The following MTMR6 variants were observed in gnomAD, a reference collection of about 807,000 sequenced individuals.
MTMR6 encodes phosphatidylinositol-3,5-bisphosphate 3-phosphatase MTMR6.
MTMR6 carries 47 observed loss-of-function variants against 80.1 expected under a neutral mutation model. The ratio of observed to expected loss-of-function variants is 0.59; its 90% CI spans 0.46 to 0.75. The LOEUF (loss-of-function observed/expected upper bound fraction) is 0.75. Ranked by LOEUF, MTMR6 falls within the 30% of genes least tolerant of loss-of-function variation. The pLI is 0.00. For synonymous variants in MTMR6, 254 were observed against 253.0 expected (o/e 1.00, Z -0.04); for missense variants, 629 against 730.9 (o/e 0.86, Z 1.61).
intron 1 of MTMR6, among the ~76,000 whole-genome samples, chr13:25,286,451 G>A (rs1348530260): frequency 1.3e-5 from 2 of 152,166 alleles, no homozygotes; most frequent in South Asian, 2.1e-4. Flanking sequence ...CTTAAATGTC[G>A]TTGGAAACGT....
In MTMR6 at chr13:25,249,014, CT is replaced by C. The variant is rs1326999506; in HGVS notation, c.*217del. 20 of 545,880 alleles carry C rather than the reference CT, an allele frequency of 3.7e-5. No homozygotes were observed. Among genetic ancestry groups the C allele is most frequent in the Non-Finnish European group, 6.4e-5 (20 of 312,578 alleles). The allele number at this position is 545,880 out of a possible 1,614,324, so 33.8% of individuals were successfully genotyped here. A position where few individuals can be genotyped will look rare whatever the true frequency, so the allele number is the denominator to read the frequency against. On this transcript the variant is annotated 3_prime_UTR_variant, in exon 14 of 14. Transcript: ENST00000381801. Reference sequence around the variant, plus strand: ...TTTTGAGTAAATACATCAAATACCACTCATTTCTTACAGAACTGAATGTCAT... The same window carrying C: ...TTTTGAGTAAATACATCAAATACCACCATTTCTTACAGAACTGAATGTCAT...
chr13:25,256,283 G>A lies in MTMR6; in HGVS notation c.1095+913C>T, dbSNP rs575469748. ...ATTTATTACATGATTTCATTTGGAT[G>A]TCTAACAAATAATTAAAGCCAAACA... On this transcript the variant is annotated intron_variant, in intron 9 of 13. Transcript: ENST00000381801. Among the ~76,000 whole-genome samples the A allele has an allele frequency of 4.3e-4, 65 of 152,294 alleles. No individual in the cohort carries two copies. In the Middle Eastern group the frequency reaches 0.01, roughly 24 times the overall value.
chr13:25,264,090 T>G lies in MTMR6; in HGVS notation c.591+1729A>C, dbSNP rs150932169. Among the ~76,000 whole-genome samples the G allele has an allele frequency of 2.3e-3, 355 of 152,192 alleles. 2 individuals are homozygous for G. The highest frequency in any genetic ancestry group is 8.1e-3 in the African/African-American group (335 of 41,544). On this transcript the variant is annotated intron_variant, in intron 5 of 13. Transcript: ENST00000381801. ...CTAATGTGGGAAGCATGAGAATTAT[T>G]TTTTTAAATCTTTAACATCCTCAAA...
chr13:25,257,100 A>T, intron 9 of MTMR6, 96 bp downstream of exon 9: 1 of 1,257,738 alleles, frequency 8.0e-7, no homozygotes, highest in South Asian at 1.5e-5. Context: ...CATTTCCTTT[A>T]GTGCAAAACT....
rs550420284 is a variant in MTMR6, at chr13:25,251,448, A to G, written c.1605+201T>C. Among the ~76,000 whole-genome samples, 15 of 152,364 alleles carry G rather than the reference A, an allele frequency of 9.8e-5. No individual in the cohort carries two copies. Among genetic ancestry groups the G allele is most frequent in the South Asian group, 4.1e-4 (2 of 4,824 alleles). Reference sequence around the variant, plus strand: ...TGTTTATCTATACGTTATGCTATATACTTCCGGTATTTTAATGTATTTTAA... The same window carrying G: ...TGTTTATCTATACGTTATGCTATATGCTTCCGGTATTTTAATGTATTTTAA... On this transcript the variant is annotated intron_variant, in intron 13 of 13. Coordinates refer to ENST00000381801, the MANE Select transcript of MTMR6 (RefSeq NM_004685.5). The surrounding 1 kb of genome is among the most constrained non-coding windows in gnomAD (Gnocchi z 4.1).
chr13:25,266,728 T>G (rs1366705252), intron 3 of MTMR6, among the ~76,000 whole-genome samples: 1 of 152,212 alleles, frequency 6.6e-6, no homozygotes, highest in African/African-American at 2.4e-5. Flanking sequence ...AAATGGCAAC[T>G]GTTGCACAGA....
At chr13:25,261,888 G>A in intron 5 of MTMR6, 86 bp from the exon 6 acceptor site, 1 of 1,292,254 alleles carries the variant, frequency 7.7e-7, no homozygotes, top group Non-Finnish European at 1.0e-6. Context: ...AGCCAAAAGT[G>A]TTAAAATCAA....
rs1000714173 is a variant in MTMR6 at position 25,268,193 on chromosome 13, A to G, written c.142-252T>C. Among the ~76,000 whole-genome samples, 5 of 152,206 alleles carry G rather than the reference A, an allele frequency of 3.3e-5. No homozygotes were observed. In the South Asian group the frequency reaches 8.3e-4, roughly 25 times the overall value. ...ACTGCATCTCCTACATGTTTCTGTA[A>G]CCCATCTACTTCTCTCTATCTCTAC... On this transcript the variant is annotated intron_variant, in intron 2 of 13. Coordinates refer to ENST00000381801, the MANE Select transcript of MTMR6 (RefSeq NM_004685.5).
intron 9 of MTMR6, 63 bp from the exon 10 acceptor site, chr13:25,254,497 T>C (rs1407371557): frequency 2.1e-5 from 23 of 1,078,116 alleles, no homozygotes; most frequent in Non-Finnish European, 2.9e-5. Context: ...TAGGCTGGAT[T>C]AAATCTTATT....
chr13:25,256,394 CCA>C, intron 9 of MTMR6, among the ~76,000 whole-genome samples: 1 of 152,222 alleles, frequency 6.6e-6, no homozygotes, highest in South Asian at 2.1e-4. Flanking sequence ...TTGGCCTGTC[CCA>C]GAGTCGGTAT....
At chr13:25,252,252 A>C (rs1171423568) in intron 11 of MTMR6, among the ~76,000 whole-genome samples, 1 of 152,180 alleles carries the variant, frequency 6.6e-6, no homozygotes, top group African/African-American at 2.4e-5. Flanking sequence ...GATTCCTCTC[A>C]ACTCACACAA....
intron 2 of MTMR6, 88 bp downstream of exon 2, chr13:25,273,983 A>G: frequency 1.1e-6 from 1 of 948,394 alleles, no homozygotes; most frequent in South Asian, 1.8e-5. Context: ...CCAATGATTA[A>G]AAATTGTGTT....
At chr13:25,257,423 T>C in intron 8 of MTMR6, 102 bp from the exon 9 acceptor site, 1 of 1,326,486 alleles carries the variant, frequency 7.5e-7, no homozygotes, top group Admixed American at 2.4e-5. Context: ...GGAAGTGCTA[T>C]GCCTGCAATG....
intron 9 of MTMR6, among the ~76,000 whole-genome samples, chr13:25,256,693 T>A (rs1469053294): frequency 1.3e-5 from 2 of 152,186 alleles, no homozygotes; most frequent in African/African-American, 4.8e-5. Flanking sequence ...CAACTAGAAA[T>A]TTTATCTTCA....
intron 1 of MTMR6, among the ~76,000 whole-genome samples, chr13:25,278,956 G>A (rs948447888): frequency 2.6e-5 from 4 of 152,064 alleles, no homozygotes; most frequent in Admixed American, 2.6e-4. Context: ...CATCTTTGAA[G>A]AACATGTAGA....
intron 10 of MTMR6, 116 bp downstream of exon 10, chr13:25,254,269 C>A: frequency 2.6e-6 from 2 of 781,480 alleles, no homozygotes; most frequent in South Asian, 1.6e-5. Context: ...CAGTAAAAAC[C>A]ATGACACTCT....
chr13:25,286,663 C>T (rs2137654811), intron 1 of MTMR6, among the ~76,000 whole-genome samples: 1 of 152,278 alleles, frequency 6.6e-6, no homozygotes, highest in African/African-American at 2.4e-5. Context: ...TGACTACTGA[C>T]ACAGGACAAT....
At chr13:25,273,958 G>C in intron 2 of MTMR6, 113 bp downstream of exon 2, 1 of 697,458 alleles carries the variant, frequency 1.4e-6, no homozygotes, top group Non-Finnish European at 2.4e-6. Context: ...AAAATATTTT[G>C]GTTGAGATAG....
At chr13:25,257,669 C>T in intron 8 of MTMR6, 67 bp downstream of exon 8, 2 of 1,159,702 alleles carry the variant, frequency 1.7e-6, no homozygotes, top group Non-Finnish European at 1.3e-6. Context: ...CAGCCCCCAA[C>T]AGAATACATC....
Sources: allele counts gnomAD v4.1 joint callset (sites outside exome capture counted in the v4.1 genomes callset), GRCh38; gene constraint gnomAD v4.1.1; non-coding constraint Gnocchi (gnomAD v3.1); transcripts MANE v1.5; gene names NCBI Gene and HGNC (gene_info 2026-07-23, HGNC 2026-07-21).